PPARGC1A: variants seen among roughly 807,000 people sequenced by gnomAD.
PPARGC1A encodes the protein PPARG coactivator 1 alpha, also known as peroxisome proliferator-activated receptor gamma coactivator 1-alpha.
Under a neutral mutation model 88.7 loss-of-function variants are expected in PPARGC1A, and 25 were observed. The observed-to-expected ratio is 0.28, with a 90% CI of 0.21 to 0.39. The LOEUF is 0.39. Ranked by LOEUF, PPARGC1A falls within the 10% of genes least tolerant of loss-of-function variation. The pLI, the probability that PPARGC1A is intolerant of heterozygous loss-of-function variation, is 1.00. For missense variants in PPARGC1A, 880 were observed against 968.7 expected, an observed-to-expected ratio of 0.91 and a Z score of 1.22; for synonymous variants, 363 against 355.6, an observed-to-expected ratio of 1.02 and a Z score of -0.24.
At chr4:24,088,587 A>G in the PPARGC1A span, among the ~76,000 whole-genome samples, 1 of 152,292 alleles carries the variant, frequency 6.6e-6, no homozygotes, top group African/African-American at 2.4e-5. Context: ...GGTACAAAAT[A>G]AATAAATAAT....
chr4:24,103,049 G>T, the PPARGC1A span, among the ~76,000 whole-genome samples: 1 of 152,184 alleles, frequency 6.6e-6, no homozygotes, highest in Non-Finnish European at 1.5e-5. Flanking sequence ...GCAATGATAA[G>T]CTCAGAGGCT....
the PPARGC1A span, among the ~76,000 whole-genome samples, chr4:24,128,531 AGT>A: frequency 0.15 from 20,531 of 137,962 alleles, 1,491 homozygotes; most frequent in Admixed American, 0.18. Flanking sequence ...AGCCTGTCAC[AGT>A]GTGTGTGTGT....
At chr4:23,918,007 T>C in the PPARGC1A span, among the ~76,000 whole-genome samples, 2 of 152,148 alleles carry the variant, frequency 1.3e-5, no homozygotes, top group African/African-American at 2.4e-5. Flanking sequence ...TTGAGATACA[T>C]TGTGGATATC....
At chr4:23,898,202 T>C (rs1718841151) in intron 1 of PPARGC1A, among the ~76,000 whole-genome samples, 1 of 152,174 alleles carries the variant, frequency 6.6e-6, no homozygotes, top group Admixed American at 6.5e-5. Flanking sequence ...ATGTAGGGTG[T>C]GGAGGGAGGA....
At chr4:23,921,051 C>T in the PPARGC1A span, among the ~76,000 whole-genome samples, 1 of 152,132 alleles carries the variant, frequency 6.6e-6, no homozygotes, top group African/African-American at 2.4e-5. Flanking sequence ...TGCCACCCCC[C>T]ACCCACTCCT....
chr4:24,177,001 T>A, the PPARGC1A span, among the ~76,000 whole-genome samples: 6 of 151,842 alleles, frequency 4.0e-5, no homozygotes, highest in African/African-American at 4.8e-5. Flanking sequence ...AATCTTGGAC[T>A]TTTTTACACT....
the PPARGC1A span, among the ~76,000 whole-genome samples, chr4:24,108,288 A>G: frequency 6.6e-6 from 1 of 152,276 alleles, no homozygotes; most frequent in East Asian, 1.9e-4. Flanking sequence ...CTTAATCCCA[A>G]TTATCTTCCT....
chr4:23,812,408 A>T (rs1721082583), intron 10 of PPARGC1A, among the ~76,000 whole-genome samples: 1 of 152,204 alleles, frequency 6.6e-6, no homozygotes, highest in Non-Finnish European at 1.5e-5. Flanking sequence ...AAGTAACAGG[A>T]AACAGAAAGA....
chr4:24,463,996 A>G, the PPARGC1A span, among the ~76,000 whole-genome samples: 1 of 152,146 alleles, frequency 6.6e-6, no homozygotes, highest in African/African-American at 2.4e-5. Context: ...TCAATTTGAT[A>G]TTTCCCTATT....
the PPARGC1A span, among the ~76,000 whole-genome samples, chr4:24,149,868 T>C: frequency 1.3e-5 from 2 of 152,208 alleles, no homozygotes; most frequent in African/African-American, 4.8e-5. Context: ...AATCTAAATC[T>C]AATTTTTCAT....
At chr4:23,896,764 GT>G (rs1431235183) in intron 1 of PPARGC1A, among the ~76,000 whole-genome samples, 1 of 152,138 alleles carries the variant, frequency 6.6e-6, no homozygotes, top group Non-Finnish European at 1.5e-5. Context: ...TTCAAGAATG[GT>G]ATAAATAAAT....
chr4:24,092,135 T>C, the PPARGC1A span, among the ~76,000 whole-genome samples: 2 of 152,114 alleles, frequency 1.3e-5, no homozygotes, highest in African/African-American at 2.4e-5. Context: ...GCAAGCTCCT[T>C]TGGGTGAAAA....
At chr4:23,956,612 A>T in the PPARGC1A span, among the ~76,000 whole-genome samples, 2,096 of 152,040 alleles carry the variant, frequency 0.014, 46 homozygotes, top group African/African-American at 0.047. Context: ...CAAACAGGTC[A>T]CTCACTAGTC....
At chr4:24,158,295 G>A in the PPARGC1A span, among the ~76,000 whole-genome samples, 2 of 151,914 alleles carry the variant, frequency 1.3e-5, no homozygotes, top group Non-Finnish European at 1.5e-5. Context: ...ATCCTGCTTT[G>A]CTTTTGTCAG....
chr4:24,461,705 T>A, the PPARGC1A span, among the ~76,000 whole-genome samples: 4 of 152,088 alleles, frequency 2.6e-5, no homozygotes, highest in African/African-American at 7.2e-5. Context: ...TCAATAAATT[T>A]CATTGAATGA....
At chr4:24,062,994 G>A in the PPARGC1A span, among the ~76,000 whole-genome samples, 1 of 152,166 alleles carries the variant, frequency 6.6e-6, no homozygotes, top group Admixed American at 6.5e-5. Context: ...TGTAAACGAT[G>A]GTTCATCTTC....
the PPARGC1A span, among the ~76,000 whole-genome samples, chr4:24,124,454 G>T: frequency 6.6e-6 from 1 of 152,166 alleles, no homozygotes; most frequent in African/African-American, 2.4e-5. Flanking sequence ...ATCACTTCCT[G>T]AAGAGTCATC....
the PPARGC1A span, among the ~76,000 whole-genome samples, chr4:24,133,244 C>T: frequency 1.3e-5 from 2 of 152,138 alleles, no homozygotes; most frequent in Non-Finnish European, 2.9e-5. Context: ...GATTAAAGTG[C>T]CTCCATCTGA....
chr4:24,365,759 G>GC, the PPARGC1A span, among the ~76,000 whole-genome samples: 1 of 151,230 alleles, frequency 6.6e-6, no homozygotes, highest in Non-Finnish European at 1.5e-5. Flanking sequence ...ATTAGCAATA[G>GC]TTTTTTTTTA....
Sources: allele counts gnomAD v4.1 joint callset (sites outside exome capture counted in the v4.1 genomes callset), GRCh38; gene constraint gnomAD v4.1.1; transcripts MANE v1.5; gene names NCBI Gene and HGNC (gene_info 2026-07-23, HGNC 2026-07-21).